The following TCEA3 variants were observed in gnomAD, a reference collection of about 807,000 sequenced individuals.
TCEA3 encodes the protein transcription elongation factor A protein 3.
TCEA3 carries 36 observed loss-of-function variants against 44.0 expected under a neutral mutation model. The ratio of observed to expected loss-of-function variants is 0.82; its 90% CI spans 0.63 to 1.08. TCEA3 has a LOEUF of 1.08. TCEA3 is among the 50% of genes least tolerant of loss of function. The probability of loss-of-function intolerance (pLI) is 0.00; values close to 1 mark genes in which losing one functional copy is unlikely to be tolerated. For synonymous variants in TCEA3, 162 were observed against 159.7 expected, an observed-to-expected ratio of 1.01 and a Z score of -0.11; for missense variants, 392 against 441.2, an observed-to-expected ratio of 0.89 and a Z score of 1.00.
At chr1:23,389,487 C>CAAA (rs71023208) in intron 8 of TCEA3, among the ~76,000 whole-genome samples, 12 of 141,444 alleles carry the variant, frequency 8.5e-5, no homozygotes, top group Non-Finnish European at 1.4e-4. Context: ...GAGATTCCAT[C>CAAA]AAAAAAAAAA....
chr1:23,414,779 G>T (rs530772872), intron 4 of TCEA3, among the ~76,000 whole-genome samples: 1 of 152,192 alleles, frequency 6.6e-6, no homozygotes, highest in South Asian at 2.1e-4. Flanking sequence ...ATACAAAATC[G>T]CTAAACTAAG....
intron 10 of TCEA3, among the ~76,000 whole-genome samples, chr1:23,381,915 G>A (rs1050428581): frequency 5.9e-5 from 9 of 152,142 alleles, no homozygotes; most frequent in African/African-American, 2.2e-4. Context: ...CATTCAGAAT[G>A]TCCTTTCTCT....
intron 8 of TCEA3, among the ~76,000 whole-genome samples, chr1:23,392,565 G>GACACACACACTCCACACATCAT (rs1558031097): frequency 0.058 from 167 of 2,898 alleles, 3 homozygotes; most frequent in African/African-American, 0.17. Flanking sequence ...CCACACATCA[G>GACACACACACTCCACACATCAT]ACACACACAC....
chr1:23,413,986 GTATATATATA>G (rs33960365), intron 4 of TCEA3, among the ~76,000 whole-genome samples: 18 of 141,030 alleles, frequency 1.3e-4, no homozygotes, highest in Admixed American at 5.0e-4. Context: ...CTAGCAGGAT[GTATATATATA>G]TATATATATA....
At chr1:23,402,617 A>G (rs1481398081) in intron 5 of TCEA3, among the ~76,000 whole-genome samples, 7 of 152,116 alleles carry the variant, frequency 4.6e-5, no homozygotes, top group African/African-American at 1.7e-4. Context: ...GCTGAGGCTG[A>G]TGGTCCCCGC....
intron 2 of TCEA3, 106 bp from the exon 3 acceptor site, chr1:23,418,115 C>A: frequency 9.0e-7 from 1 of 1,115,890 alleles, no homozygotes; most frequent in South Asian, 1.4e-5. Context: ...CCCTTCCAAC[C>A]TGGACCCCCA....
At chr1:23,386,627 G>A (rs1570223740) in intron 9 of TCEA3, among the ~76,000 whole-genome samples, 2 of 151,950 alleles carry the variant, frequency 1.3e-5, no homozygotes, top group African/African-American at 4.8e-5. Context: ...GTGCAATCTC[G>A]GCTCACTGCA....
At chr1:23,385,526 G>A (rs557873137) in intron 9 of TCEA3, among the ~76,000 whole-genome samples, 10 of 152,338 alleles carry the variant, frequency 6.6e-5, no homozygotes, top group African/African-American at 1.2e-4. Flanking sequence ...ATTCTCCAAG[G>A]GACTCCTCCG....
chr1:23,392,516 T>TACAC (rs1639081384), intron 8 of TCEA3, among the ~76,000 whole-genome samples: 1 of 28,088 alleles, frequency 3.6e-5, no homozygotes, highest in Admixed American at 5.6e-4. Flanking sequence ...CCATACATCA[T>TACAC]ACACACATAT....
At chr1:23,404,535 C>T (rs1639487880) in intron 5 of TCEA3, among the ~76,000 whole-genome samples, 1 of 152,056 alleles carries the variant, frequency 6.6e-6, no homozygotes, top group African/African-American at 2.4e-5. Flanking sequence ...TCATGGTTAG[C>T]CCTAAGAAGG....
chr1:23,398,812 G>C (rs550531376), intron 5 of TCEA3, among the ~76,000 whole-genome samples: 2 of 151,694 alleles, frequency 1.3e-5, no homozygotes, highest in Admixed American at 1.3e-4. Context: ...CTGTCACCCA[G>C]GCTGGAGTGC....
At chr1:23,424,371 G>A (rs1640155382) in intron 1 of TCEA3, among the ~76,000 whole-genome samples, 194 bp downstream of exon 1, 1 of 151,960 alleles carries the variant, frequency 6.6e-6, no homozygotes, top group Middle Eastern at 3.4e-3. Context: ...CCTGGGCCAC[G>A]CACACGCCCA....
Position 23,397,567 on chromosome 1 carries a change from C to A in TCEA3, c.642G>T (p.Lys214Asn), listed in dbSNP as rs868369841. ...TATGATCTTCGATTTCTGATGCCAT[C>A]TTGTCACAGTTGACTCCATAGTCCT... ...DYKDYGVNCD[K>N]MASEIEDHIY... The change falls in exon 7 of 11, where the codon AAG becomes AAT. Residue 214 changes from lysine to asparagine, a missense_variant. Lys to Asn is a moderately conservative substitution (Grantham distance 94). Transcript: ENST00000450454. 4 of 1,613,740 alleles carry A rather than the reference C, an allele frequency of 2.5e-6. No homozygotes were observed. The highest frequency in any genetic ancestry group is 2.7e-5 in the African/African-American group (2 of 74,886).
intron 9 of TCEA3, 31 bp downstream of exon 9, chr1:23,387,242 C>T (rs1187538297): frequency 2.5e-6 from 4 of 1,608,574 alleles, no homozygotes; most frequent in Non-Finnish European, 3.4e-6. Context: ...CGGCCTCCTG[C>T]ACCTCCGGCC....
At chr1:23,401,691 G>A (rs1480995470) in intron 5 of TCEA3, among the ~76,000 whole-genome samples, 2 of 152,088 alleles carry the variant, frequency 1.3e-5, no homozygotes, top group Non-Finnish European at 2.9e-5. Flanking sequence ...CCAAAGAGCC[G>A]CCAGAGGGAC....
intron 1 of TCEA3, among the ~76,000 whole-genome samples, chr1:23,420,857 C>T (rs1558078223): frequency 1.3e-5 from 2 of 152,312 alleles, no homozygotes; most frequent in East Asian, 3.9e-4. Context: ...TTTCAGCCTT[C>T]TCCTTTCCCC....
chr1:23,423,982 C>T (rs1160699174), intron 1 of TCEA3: 2 of 398,300 alleles, frequency 5.0e-6, no homozygotes, highest in Middle Eastern at 7.2e-4. Context: ...GGCCGCACCC[C>T]AAGGCCAAGG....
chr1:23,421,586 T>G (rs1359773292), intron 1 of TCEA3, among the ~76,000 whole-genome samples: 1 of 152,102 alleles, frequency 6.6e-6, no homozygotes, highest in East Asian at 1.9e-4. Context: ...GCTACCAACA[T>G]GCTGTCACTG....
rs191035733 is a variant in TCEA3, at chr1:23,403,330, T to G, written c.443+5334A>C. 2.0e-5 allele frequency among the ~76,000 whole-genome samples: 3 copies of G among 152,332 alleles called. No individual in the cohort carries two copies. In the East Asian group the frequency reaches 5.8e-4, roughly 29 times the overall value. ...ACCAACACTTTGTAGCTATGTGACC[T>G]TGGGTGAGTTCCTTAACCCCTAGGT... On this transcript the variant is annotated intron_variant, in intron 5 of 10. Transcript: ENST00000450454.
Sources: allele counts gnomAD v4.1 joint callset (sites outside exome capture counted in the v4.1 genomes callset), GRCh38; gene constraint gnomAD v4.1.1; transcripts MANE v1.5; gene names NCBI Gene and HGNC (gene_info 2026-07-23, HGNC 2026-07-21).